The following ADARB2 variants were observed in gnomAD, a reference collection of about 807,000 sequenced individuals.
ADARB2 encodes the protein inactive double-stranded RNA-specific editase B2.
ADARB2 carries 25 observed loss-of-function variants against 62.2 expected under a neutral mutation model. That is an observed-to-expected ratio of 0.40 (90% confidence interval 0.29 to 0.56). The LOEUF is 0.56. ADARB2 is among the 20% of genes least tolerant of loss of function. ADARB2 has a pLI of 0.43. For missense variants in ADARB2, 1,071 were observed against 1,077.4 expected, an observed-to-expected ratio of 0.99 and a Z score of 0.08; for synonymous variants, 572 against 500.8, an observed-to-expected ratio of 1.14 and a Z score of -1.90.
At position 1,426,494 on chromosome 10, in the gene ADARB2, G is replaced by C. The variant is rs954576257; in HGVS notation, c.101-47334C>G. ...GCACACACATCATTCTTCAGGTGCA[G>C]TTATGACAGAAGGATGGTCCTGTCT... On this transcript the variant is annotated intron_variant, in intron 1 of 9. Coordinates refer to ENST00000381312, the MANE Select transcript of ADARB2 (RefSeq NM_018702.4). The surrounding 1 kb of genome is among the most constrained non-coding windows in gnomAD (Gnocchi z 4.1). Among the ~76,000 whole-genome samples, 1 of 152,172 alleles carries C rather than the reference G, an allele frequency of 6.6e-6. No homozygotes were observed. The highest frequency in any genetic ancestry group is 2.4e-5 in the African/African-American group (1 of 41,436).
intron 1 of ADARB2, among the ~76,000 whole-genome samples, chr10:1,428,131 C>T (rs1046332116): frequency 2.2e-4 from 33 of 151,712 alleles, no homozygotes; most frequent in Middle Eastern, 3.4e-3. Context: ...CCACCACACC[C>T]GACTAATTTT....
At chr10:1,288,590 C>T (rs895822107) in intron 3 of ADARB2, among the ~76,000 whole-genome samples, 8 of 152,334 alleles carry the variant, frequency 5.3e-5, no homozygotes, top group South Asian at 2.1e-4. Context: ...GCCTCTGAGA[C>T]GCTGAGGAGA....
In ADARB2 at chr10:1,363,010, AC is replaced by A; in HGVS notation, c.1077+17del. On this transcript the variant is annotated intron_variant, in intron 3 of 9. Transcript: ENST00000381312. ...CCCCAGCGCCGCCCGTTCCCCCTGC[AC>A]CCGCCGCGCCCCTCACCTGCGGCAT... The A allele has an allele frequency of 7.6e-7, 1 of 1,323,352 alleles. No homozygotes were observed. The highest frequency in any genetic ancestry group is 9.7e-7 in the Non-Finnish European group (1 of 1,033,900). 82.0% of individuals were successfully genotyped at this position (1,323,352 alleles called of 1,614,324 possible).
chr10:1,349,430 C>T (rs578023627), intron 3 of ADARB2, among the ~76,000 whole-genome samples: 1 of 152,330 alleles, frequency 6.6e-6, no homozygotes, highest in East Asian at 1.9e-4. Context: ...AAATTTGGTG[C>T]CGTGACTCAG....
intron 1 of ADARB2, among the ~76,000 whole-genome samples, chr10:1,566,880 T>G (rs1197395319): frequency 6.6e-6 from 1 of 152,158 alleles, no homozygotes; most frequent in African/African-American, 2.4e-5. Context: ...GCAATTTTTA[T>G]GAACAGAAAA....
intron 1 of ADARB2, among the ~76,000 whole-genome samples, chr10:1,696,545 C>T (rs1834748668): frequency 6.6e-6 from 1 of 152,196 alleles, no homozygotes; most frequent in African/African-American, 2.4e-5. Flanking sequence ...TTTCCAATTG[C>T]TTTGTCCTCT....
chr10:1,581,829 TG>T (rs1456025230), intron 1 of ADARB2, among the ~76,000 whole-genome samples: 1 of 630 alleles, frequency 1.6e-3, no homozygotes, highest in Non-Finnish European at 0.014. Flanking sequence ...GAAATAGATG[TG>T]TGTGTGTGTG....
At chr10:1,328,795 C>T (rs1326534932) in intron 3 of ADARB2, among the ~76,000 whole-genome samples, 1 of 151,916 alleles carries the variant, frequency 6.6e-6, no homozygotes, top group African/African-American at 2.4e-5. Context: ...GATTTGAGAC[C>T]AGGCTGGGCA....
At chr10:1,447,980 T>A (rs1830992402) in intron 1 of ADARB2, among the ~76,000 whole-genome samples, 1 of 152,220 alleles carries the variant, frequency 6.6e-6, no homozygotes, top group African/African-American at 2.4e-5. Flanking sequence ...AGTCTACCAC[T>A]GATGGGCATT....
chr10:1,193,523 C>T (rs879628768), intron 8 of ADARB2, among the ~76,000 whole-genome samples: 16 of 152,204 alleles, frequency 1.1e-4, no homozygotes, highest in Non-Finnish European at 1.6e-4. Context: ...AGTAATATGC[C>T]AGGTTTCAAA....
At chr10:1,258,133 T>A (rs185128261) in intron 4 of ADARB2, among the ~76,000 whole-genome samples, 33 of 152,236 alleles carry the variant, frequency 2.2e-4, no homozygotes, top group Admixed American at 1.8e-3. Context: ...TCTCTTTCTC[T>A]CTCCCTCCCT....
chr10:1,444,427 C>T (rs1484374186), intron 1 of ADARB2, among the ~76,000 whole-genome samples: 1 of 151,884 alleles, frequency 6.6e-6, no homozygotes, highest in Admixed American at 6.6e-5. Context: ...TCTATCCATC[C>T]ACCCACCCAT....
chr10:1,230,438 C>G (rs1232217905), intron 6 of ADARB2, among the ~76,000 whole-genome samples: 1 of 152,240 alleles, frequency 6.6e-6, no homozygotes, highest in Non-Finnish European at 1.5e-5. Flanking sequence ...GAGCCCCTCA[C>G]AGCAAAAGCC....
chr10:1,233,978 C>CTTTTTTTTTTTTTT (rs1589160330), intron 5 of ADARB2, 133 bp from the exon 6 acceptor site: 1 of 433,412 alleles, frequency 2.3e-6, no homozygotes, highest in East Asian at 6.5e-5. Flanking sequence ...TTTTTTTTTC[C>CTTTTTTTTTTTTTT]TTTTTTTTTT....
intron 1 of ADARB2, among the ~76,000 whole-genome samples, chr10:1,500,237 AC>A (rs1447611093): frequency 1.3e-5 from 2 of 152,200 alleles, no homozygotes; most frequent in Admixed American, 1.3e-4. Flanking sequence ...TTAGGCACTT[AC>A]CGTCTCACCC....
At chr10:1,485,701 G>T (rs1046054907) in intron 1 of ADARB2, among the ~76,000 whole-genome samples, 20 of 152,164 alleles carry the variant, frequency 1.3e-4, no homozygotes, top group Non-Finnish European at 2.9e-4. Context: ...GAATAATAAC[G>T]CTCCGTCTAT....
intron 7 of ADARB2, among the ~76,000 whole-genome samples, chr10:1,206,473 T>C (rs1837068256): frequency 6.6e-6 from 1 of 151,634 alleles, no homozygotes; most frequent in Non-Finnish European, 1.5e-5. Context: ...CCTGTGCGTC[T>C]GAGAGAACTG....
chr10:1,377,055 TGCTCCTGGGGTGTGTGTGC>T (rs1832437015), intron 2 of ADARB2, among the ~76,000 whole-genome samples: 1 of 125,648 alleles, frequency 8.0e-6, no homozygotes, highest in African/African-American at 3.1e-5. Flanking sequence ...TGTGCTTGTG[TGCTCCTGGGGTGTGTGTGC>T]GCTCCTGGGG....
chr10:1,464,115 CCGGAGAAGAGGG>C (rs1461598524), intron 1 of ADARB2, among the ~76,000 whole-genome samples: 244 of 150,106 alleles, frequency 1.6e-3, no homozygotes, highest in African/African-American at 5.2e-3. Context: ...GGGCAGTGTG[CCGGAGAAGAGGG>C]TGGACACACA....
Sources: allele counts gnomAD v4.1 joint callset (sites outside exome capture counted in the v4.1 genomes callset), GRCh38; gene constraint gnomAD v4.1.1; non-coding constraint Gnocchi (gnomAD v3.1); transcripts MANE v1.5; gene names NCBI Gene and HGNC (gene_info 2026-07-23, HGNC 2026-07-21).